The following SYNE2 variants were observed in gnomAD, a reference collection of about 807,000 sequenced individuals.
SYNE2 encodes nesprin-2.
Under a neutral mutation model 856.3 loss-of-function variants are expected in SYNE2, and 431 were observed. That is an observed-to-expected ratio of 0.50 (90% confidence interval 0.47 to 0.55). The LOEUF (loss-of-function observed/expected upper bound fraction) is 0.55, where lower values mean the gene tolerates loss of function less well. Ranked by LOEUF, SYNE2 falls within the 20% of genes least tolerant of loss-of-function variation. The pLI is 0.00. For missense variants in SYNE2, 8,129 were observed against 8,023.2 expected (o/e 1.01, Z -0.50); for synonymous variants, 2,923 against 2,872.3 (o/e 1.02, Z -0.56).
chr14:64,223,089 A>G, intron 112 of SYNE2, 100 bp from the exon 113 acceptor site: 3 of 1,243,444 alleles, frequency 2.4e-6, no homozygotes, highest in Non-Finnish European at 3.5e-6. Context: ...ACTACCCATC[A>G]TTCATTCTGG....
intron 51 of SYNE2, among the ~76,000 whole-genome samples, chr14:64,068,600 G>T (rs1435245086): frequency 6.6e-6 from 1 of 151,998 alleles, no homozygotes; most frequent in African/African-American, 2.4e-5. Context: ...AGTGGCTCAC[G>T]CCTGTAATCC....
intron 107 of SYNE2, 112 bp downstream of exon 107, chr14:64,215,466 C>A: frequency 9.6e-7 from 1 of 1,038,986 alleles, no homozygotes. Context: ...ACACCATGCG[C>A]CTTGGTCCTT....
intron 100 of SYNE2, among the ~76,000 whole-genome samples, chr14:64,204,629 G>A (rs1027749252): frequency 6.6e-6 from 1 of 151,808 alleles, no homozygotes; most frequent in Non-Finnish European, 1.5e-5. Flanking sequence ...TGGTTGATTT[G>A]AAAATTCTGT....
chr14:63,961,639 T>C lies in SYNE2; in HGVS notation c.888+14T>C. Reference sequence around the variant, plus strand: ...GAGGAGGCTCAGGTATGTTTTCATATGCATAAATCAAGCTCATTTTAGTTG... The same window carrying C: ...GAGGAGGCTCAGGTATGTTTTCATACGCATAAATCAAGCTCATTTTAGTTG... On this transcript the variant is annotated intron_variant, in intron 9 of 115. Coordinates refer to ENST00000555002, the MANE Select transcript of SYNE2 (RefSeq NM_182914.3). The C allele has an allele frequency of 6.3e-7, 1 of 1,579,096 alleles. No homozygotes were observed. Among genetic ancestry groups the C allele is most frequent in the Non-Finnish European group, 8.7e-7 (1 of 1,148,442 alleles).
At chr14:63,950,486 C>T (rs2096134431) in intron 7 of SYNE2, among the ~76,000 whole-genome samples, 2 of 152,072 alleles carry the variant, frequency 1.3e-5, no homozygotes, top group Admixed American at 6.6e-5. Context: ...ACCTGGGAGG[C>T]GGAGGTTGCG....
In SYNE2 at chr14:63,909,243, T is replaced by C. The variant is rs534028957; in HGVS notation, c.79+16T>C. The C allele has an allele frequency of 4.3e-5, 68 of 1,585,484 alleles. 1 individual carries two copies. In the South Asian group the frequency reaches 7.5e-4, roughly 18 times the overall value. ...TCATTGCAAGGTAATTAAGATTGGG[T>C]GGGGGTAACACCCACAGAAACTGGG... On this transcript the variant is annotated intron_variant, in intron 2 of 115. Transcript: ENST00000555002.
chr14:64,031,022 G>T lies in SYNE2; in HGVS notation c.6886G>T (p.Glu2296Ter). 1 of 1,613,204 alleles carries T rather than the reference G, an allele frequency of 6.2e-7. No homozygotes were observed. The highest frequency in any genetic ancestry group is 1.1e-5 in the South Asian group (1 of 90,922). ...EEKLQKLQEL[E>*]NRLSLQDGTL... Reference sequence around the variant, plus strand: ...ATCTTTTCTCCACTCGTAGGAACTAGAGAATAGACTCAGTTTACAAGATGG... The same window carrying T: ...ATCTTTTCTCCACTCGTAGGAACTATAGAATAGACTCAGTTTACAAGATGG... The change falls in exon 45 of 116, where the codon GAG (glutamate) becomes TAG (stop). Residue 2296 changes from glutamate (E) to a stop codon, truncating the protein, a stop_gained. Transcript: ENST00000555002. LOFTEE classifies it high-confidence loss of function.
chr14:63,940,672 C>G lies in SYNE2; in HGVS notation c.138C>G (p.Ala46=). ...CGTGCTGGATAAACTCACAGTTGGC[C>G]AGGGTAAGCAAATGAAGACCAAATT... is the stretch of plus-strand genomic sequence containing the variant. ...AFTCWINSQL[A]RHTSPSVISD... is the part of the protein sequence containing the mutation. Residue 46 remains alanine, a synonymous_variant, in exon 3 of 116, where the codon GCC becomes GCG. Coordinates refer to ENST00000555002, the MANE Select transcript of SYNE2 (RefSeq NM_182914.3). 1 of 1,613,964 alleles carries G rather than the reference C, an allele frequency of 6.2e-7. No individual in the cohort carries two copies. Among genetic ancestry groups the G allele is most frequent in the Non-Finnish European group, 8.5e-7 (1 of 1,179,904 alleles).
rs1322624274 is a variant in SYNE2 at position 63,967,859 on chromosome 14, G to A, written c.1128+13G>A. On this transcript the variant is annotated intron_variant, in intron 11 of 115. Coordinates refer to ENST00000555002, the MANE Select transcript of SYNE2 (RefSeq NM_182914.3). ...CCTCGATCACCAGGTGACTGTTTGTGTTGATTAGAAGAATATTTTCAGGCC... is the reference window on the plus strand; with the variant it reads ...CCTCGATCACCAGGTGACTGTTTGTATTGATTAGAAGAATATTTTCAGGCC... 1 of 1,613,442 alleles carries A rather than the reference G, an allele frequency of 6.2e-7. No homozygotes were observed. Among genetic ancestry groups the A allele is most frequent in the Non-Finnish European group, 8.5e-7 (1 of 1,179,644 alleles).
chr14:64,023,053 G>A, intron 38 of SYNE2, 190 bp downstream of exon 38: 1 of 574,422 alleles, frequency 1.7e-6, no homozygotes, highest in South Asian at 2.1e-5. Context: ...TCGAACTTTG[G>A]TAAAAGGTTC....
At position 64,070,774 on chromosome 14, in the gene SYNE2, G is replaced by A. The variant is rs202224612; in HGVS notation, c.10561G>A (p.Val3521Met). ...LDCLCQYGEN[V>M]EKQQLLLTLL... Reference sequence around the variant, plus strand: ...CTGTTTATGCCAATATGGAGAGAACGTGGAGAAGCAACAGCTGTTACTGAC... The same window carrying A: ...CTGTTTATGCCAATATGGAGAGAACATGGAGAAGCAACAGCTGTTACTGAC... The change falls in exon 52 of 116, where the codon GTG becomes ATG. Residue 3521 changes from valine (V) to methionine (M), a missense_variant. Around this residue, in one of 3 missense-constraint regions of SYNE2, gnomAD observed 5,410 missense variants for 5,284.8 expected, o/e 1.02. Coordinates refer to ENST00000555002, the MANE Select transcript of SYNE2 (RefSeq NM_182914.3). The A allele has an allele frequency of 7.7e-5, 124 of 1,614,212 alleles. No individual in the cohort carries two copies. The highest frequency in any genetic ancestry group is 1.9e-4 in the African/African-American group (14 of 75,056).
intron 99 of SYNE2, chr14:64,190,871 A>G: frequency 1.4e-6 from 1 of 693,676 alleles, no homozygotes; most frequent in Non-Finnish European, 2.6e-6. Flanking sequence ...CAAAATGATG[A>G]TGATGCCCAA....
intron 2 of SYNE2, among the ~76,000 whole-genome samples, chr14:63,933,972 A>G (rs1021970691): frequency 6.6e-6 from 1 of 152,192 alleles, no homozygotes; most frequent in African/African-American, 2.4e-5. Flanking sequence ...AAGCAGTATG[A>G]AAACGTGAGA....
chr14:64,052,642 G>A lies in SYNE2; in HGVS notation c.8729G>A (p.Arg2910Lys), dbSNP rs367802102. ...NIYEELNVFERLFLEDQLKNL... is the reference protein window; with the variant it reads ...NIYEELNVFEKLFLEDQLKNL... The stretch of plus-strand genomic sequence containing the variant: ...TATGAGGAGCTGAATGTGTTTGAAA[G>A]ATTATTTCTGGAAGATCAGTTGAAA... Residue 2910 changes from arginine (R) to lysine (K), a missense_variant, in exon 48 of 116, where the codon AGA (arginine) becomes AAA (lysine). Coordinates refer to ENST00000555002, the MANE Select transcript of SYNE2 (RefSeq NM_182914.3). The A allele has an allele frequency of 3.7e-6, 6 of 1,613,870 alleles. No individual in the cohort carries two copies. Among genetic ancestry groups the A allele is most frequent in the African/African-American group, 1.3e-5 (1 of 74,892 alleles).
intron 1 of SYNE2, among the ~76,000 whole-genome samples, chr14:63,780,684 T>C (rs1887275376): frequency 6.6e-6 from 1 of 152,088 alleles, no homozygotes; most frequent in South Asian, 2.1e-4. Flanking sequence ...ATAACTAAAA[T>C]ATAAAACTGT....
chr14:63,926,515 T>C (rs1394533079), intron 2 of SYNE2, among the ~76,000 whole-genome samples: 2 of 152,196 alleles, frequency 1.3e-5, no homozygotes, highest in African/African-American at 4.8e-5. Context: ...AACTCTGCCA[T>C]TGTAGCATGA....
chr14:64,063,403 C>A (rs1352699245), intron 50 of SYNE2, among the ~76,000 whole-genome samples: 1 of 152,190 alleles, frequency 6.6e-6, no homozygotes, highest in East Asian at 1.9e-4. Context: ...AGCAGTGGTA[C>A]TGAGAGATTT....
chr14:63,963,922 C>T lies in SYNE2; in HGVS notation c.912C>T (p.Gly304=). 6.2e-7 allele frequency: 1 copy of T among 1,612,224 alleles called. No homozygotes were observed. Among genetic ancestry groups the T allele is most frequent in the Non-Finnish European group, 8.5e-7 (1 of 1,178,484 alleles). ...EAQGKVKDAM[G]WLTLQKEKLQ... is the part of the protein sequence containing the mutation. Reference sequence around the variant, plus strand: ...AGGGAAAGGTGAAAGATGCTATGGGCTGGTTAACTCTGCAAAAGGAAAAAC... The same window carrying T: ...AGGGAAAGGTGAAAGATGCTATGGGTTGGTTAACTCTGCAAAAGGAAAAAC... Residue 304 remains glycine (G), a synonymous_variant, in exon 10 of 116, where the codon GGC becomes GGT. Transcript: ENST00000555002.
intron 57 of SYNE2, among the ~76,000 whole-genome samples, chr14:64,082,339 G>A (rs181091830): frequency 1.3e-5 from 2 of 152,186 alleles, no homozygotes; most frequent in East Asian, 3.9e-4. Context: ...GGGATTTTGG[G>A]ATTTGGAATG....
Sources: allele counts gnomAD v4.1 joint callset (sites outside exome capture counted in the v4.1 genomes callset), GRCh38; gene constraint gnomAD v4.1.1; regional missense constraint gnomAD v4.1.1; transcripts MANE v1.5; gene names NCBI Gene and HGNC (gene_info 2026-07-23, HGNC 2026-07-21).